Variants in SAMD14 observed in about 807,000 individuals in gnomAD.
The protein encoded by SAMD14 is sterile alpha motif domain containing 14.
SAMD14 carries 27 observed loss-of-function variants against 46.2 expected under a neutral mutation model. That is an observed-to-expected ratio of 0.58 (90% confidence interval 0.43 to 0.81). The LOEUF (loss-of-function observed/expected upper bound fraction) is 0.81, where lower values mean the gene tolerates loss of function less well. Among genes scored for constraint, SAMD14 ranks in the 30% least tolerant of loss-of-function variants. SAMD14 has a pLI of 0.00. For synonymous variants in SAMD14, 241 were observed against 254.3 expected, an observed-to-expected ratio of 0.95 and a Z score of 0.50; for missense variants, 559 against 582.2, an observed-to-expected ratio of 0.96 and a Z score of 0.41.
chr17:50,125,095 G>A, intron 1 of SAMD14, 124 bp from the exon 2 acceptor site: 1 of 814,048 alleles, frequency 1.2e-6, no homozygotes, highest in South Asian at 1.5e-5. Context: ...CCTTACCTTA[G>A]AACCCTTCTT....
At chr17:50,114,543 A>G in intron 7 of SAMD14, 2 of 1,084,516 alleles carry the variant, frequency 1.8e-6, no homozygotes, top group Non-Finnish European at 2.6e-6. Flanking sequence ...AAGCCAGGTT[A>G]GTAGGAATGG....
At chr17:50,124,758 T>TGC (rs1555563075) in intron 2 of SAMD14, among the ~76,000 whole-genome samples, 159 bp downstream of exon 2, 4 of 84,994 alleles carry the variant, frequency 4.7e-5, no homozygotes, top group Non-Finnish European at 9.7e-5. Context: ...CCTGCACGCG[T>TGC]GCACGCGCGC....
At chr17:50,113,890 T>C in intron 9 of SAMD14, 34 bp downstream of exon 9, 1 of 1,611,948 alleles carries the variant, frequency 6.2e-7, no homozygotes, top group Non-Finnish European at 8.5e-7. Context: ...CTCAAGTAAC[T>C]GGGCTGGGTC....
intron 2 of SAMD14, 52 bp downstream of exon 2, chr17:50,124,865 A>G: frequency 6.3e-7 from 1 of 1,583,812 alleles, no homozygotes; most frequent in East Asian, 2.2e-5. Flanking sequence ...CCAGGAAGGA[A>G]GTACTCTATG....
intron 2 of SAMD14, among the ~76,000 whole-genome samples, chr17:50,119,434 T>G (rs559297192): frequency 2.2e-4 from 33 of 152,258 alleles, no homozygotes; most frequent in Middle Eastern, 3.4e-3. Flanking sequence ...CTGTCACTCA[T>G]GCCCACCCTG....
In SAMD14 at chr17:50,112,683, GATTT is replaced by G; in HGVS notation, c.*206_*209del. On this transcript the variant is annotated 3_prime_UTR_variant, in exon 10 of 10. Coordinates refer to ENST00000330175, the MANE Select transcript of SAMD14 (RefSeq NM_001257359.2). ...TGTGCCAAACAAGTCCTCAAAATAG[GATTT>G]ATTACTAGGCCCTCTCCCTGGGGTC... 1.8e-6 allele frequency: 1 copy of G among 544,664 alleles called. No homozygotes were observed. The highest frequency in any genetic ancestry group is 3.2e-6 in the Non-Finnish European group (1 of 314,542). 33.7% of individuals were successfully genotyped at this position (544,664 alleles called of 1,614,324 possible). A position where few individuals can be genotyped will look rare whatever the true frequency, so the allele number is the denominator to read the frequency against.
chr17:50,113,585 AG>A lies in SAMD14; in HGVS notation c.1098+338del, dbSNP rs1242019490. On this transcript the variant is annotated intron_variant, in intron 9 of 9. Transcript: ENST00000330175. ...GAGACAGAATCAGACCAAGCTGACCAGGGGGAGATGTGGCTTCCCATGATAC... is the reference window on the plus strand; with the variant it reads ...GAGACAGAATCAGACCAAGCTGACCAGGGGAGATGTGGCTTCCCATGATAC... 15 of 341,842 alleles carry A rather than the reference AG, an allele frequency of 4.4e-5. No individual in the cohort carries two copies. The East Asian group carries it at 1.1e-3, about 24-fold the overall frequency. The allele number at this position is 341,842 out of a possible 1,614,324, so 21.2% of individuals were successfully genotyped here. A position where few individuals can be genotyped will look rare whatever the true frequency, so the allele number is the denominator to read the frequency against.
intron 2 of SAMD14, among the ~76,000 whole-genome samples, chr17:50,121,317 CT>C (rs113621523): frequency 2.2e-3 from 322 of 144,608 alleles, no homozygotes; most frequent in African/African-American, 6.2e-3. Context: ...AAGCACCTTT[CT>C]TTTTTTTTTT....
At position 50,130,105 on chromosome 17, in the gene SAMD14, G is replaced by A. The variant is rs1490603997; in HGVS notation, c.-601C>T. Among the ~76,000 whole-genome samples, 1 of 151,928 alleles carries A rather than the reference G, an allele frequency of 6.6e-6. No individual in the cohort carries two copies. Among genetic ancestry groups the A allele is most frequent in the Non-Finnish European group, 1.5e-5 (1 of 67,926 alleles). On this transcript the variant is annotated 5_prime_UTR_variant, in exon 1 of 10. Transcript: ENST00000330175. This position sits in a 1 kb window ranked among gnomAD's most constrained non-coding sequence, Gnocchi z 4.1. Reference sequence around the variant, plus strand: ...GGGGGAGGGCGGCGGGGAGGAGGCGGCTGGGGCCGGGGAGCGGAGTTGCAG... The same window carrying A: ...GGGGGAGGGCGGCGGGGAGGAGGCGACTGGGGCCGGGGAGCGGAGTTGCAG...
chr17:50,113,624 A>G (rs1910996751), intron 9 of SAMD14: 2 of 420,670 alleles, frequency 4.8e-6, no homozygotes, highest in African/African-American at 4.0e-5. Flanking sequence ...GGACACTCAT[A>G]TGCATCAAGG....
chr17:50,117,319 C>T, intron 4 of SAMD14, 88 bp downstream of exon 4: 1 of 1,221,022 alleles, frequency 8.2e-7, no homozygotes, highest in Non-Finnish European at 1.0e-6. Context: ...TCAGCTGCCC[C>T]TTCCGCGGCT....
intron 7 of SAMD14, chr17:50,114,907 G>T (rs1911100655): frequency 6.4e-6 from 1 of 156,384 alleles, no homozygotes; most frequent in Non-Finnish European, 1.4e-5. Flanking sequence ...TGGGCTGGGG[G>T]TTGTAGAGCT....
intron 4 of SAMD14, among the ~76,000 whole-genome samples, chr17:50,116,719 C>G (rs1377285109): frequency 6.6e-6 from 1 of 152,076 alleles, no homozygotes; most frequent in Non-Finnish European, 1.5e-5. Flanking sequence ...TCCTGGCCAA[C>G]ATCTAACCAA....
Position 50,112,959 on chromosome 17 carries a change from G to A in SAMD14, c.1188C>T (p.Ala396=), listed in dbSNP as rs145236170. The A allele has an allele frequency of 5.0e-6, 8 of 1,611,018 alleles. No homozygotes were observed. In the African/African-American group the frequency reaches 8.0e-5, roughly 16 times the overall value. ...MAAAAEKERK[A]QEKAARQREK... ...CCCGCTGCCGCGCAGCCTTCTCCTGGGCCTTGCGCTCCTTCTCGGCAGCTG... is the reference window on the plus strand; with the variant it reads ...CCCGCTGCCGCGCAGCCTTCTCCTGAGCCTTGCGCTCCTTCTCGGCAGCTG... The change falls in exon 10 of 10, where the codon GCC becomes GCT. Residue 396 remains alanine, a synonymous_variant. Transcript: ENST00000330175.
chr17:50,125,615 G>A (rs765420690), intron 1 of SAMD14, among the ~76,000 whole-genome samples: 24 of 151,896 alleles, frequency 1.6e-4, no homozygotes, highest in Admixed American at 1.4e-3. Context: ...AACACCTGCC[G>A]CCATCTGTCC....
At chr17:50,126,540 C>T (rs1158000635) in intron 1 of SAMD14, among the ~76,000 whole-genome samples, 4 of 152,028 alleles carry the variant, frequency 2.6e-5, no homozygotes, top group Admixed American at 1.3e-4. Flanking sequence ...CTCCTGACCT[C>T]GTGATCCACC....
chr17:50,123,287 G>A (rs2144411890), intron 2 of SAMD14, among the ~76,000 whole-genome samples: 3 of 152,352 alleles, frequency 2.0e-5, no homozygotes, highest in African/African-American at 7.2e-5. Context: ...CTGAAGCAGA[G>A]ATGGGAAGGA....
In SAMD14 at chr17:50,125,044, A is replaced by G. The variant is rs186892504; in HGVS notation, c.-12-73T>C. On this transcript the variant is annotated intron_variant, in intron 1 of 9. Coordinates refer to ENST00000330175, the MANE Select transcript of SAMD14 (RefSeq NM_001257359.2). ...AGATTCAGGCTGACCGAGGCAGAAG[A>G]GATGTGGAAGGCTACCTGCTCCAGG... 1.0e-5 allele frequency: 14 copies of G among 1,381,950 alleles called. No individual in the cohort carries two copies. In the East Asian group the frequency reaches 3.2e-4, roughly 32 times the overall value. 85.6% of individuals were successfully genotyped at this position (1,381,950 alleles called of 1,614,324 possible). A position where few individuals can be genotyped will look rare whatever the true frequency, so the allele number is the denominator to read the frequency against.
At chr17:50,127,583 A>G (rs1232707990) in intron 1 of SAMD14, among the ~76,000 whole-genome samples, 2 of 151,764 alleles carry the variant, frequency 1.3e-5, no homozygotes, top group African/African-American at 2.4e-5. Context: ...CCTGGGCAAC[A>G]AGCGCAAAAC....
Sources: allele counts gnomAD v4.1 joint callset (sites outside exome capture counted in the v4.1 genomes callset), GRCh38; gene constraint gnomAD v4.1.1; non-coding constraint Gnocchi (gnomAD v3.1); transcripts MANE v1.5; gene names NCBI Gene and HGNC (gene_info 2026-07-23, HGNC 2026-07-21).